Variants in KIFAP3 observed in about 807,000 individuals in gnomAD.
KIFAP3 encodes the protein kinesin associated protein 3.
KIFAP3 carries 68 observed loss-of-function variants against 106.5 expected under a neutral mutation model. The ratio of observed to expected loss-of-function variants is 0.64; its 90% CI spans 0.53 to 0.78. The LOEUF (loss-of-function observed/expected upper bound fraction) is 0.78, where lower values mean the gene tolerates loss of function less well. KIFAP3 is among the 30% of genes least tolerant of loss of function. The pLI, the probability that KIFAP3 is intolerant of heterozygous loss-of-function variation, is 0.00. For synonymous variants in KIFAP3, 320 were observed against 311.5 expected (o/e 1.03, Z -0.29); for missense variants, 780 against 941.8 (o/e 0.83, Z 2.25).
chr1:170,007,889 C>A (rs1161596580), intron 10 of KIFAP3, among the ~76,000 whole-genome samples: 1 of 152,116 alleles, frequency 6.6e-6, no homozygotes, highest in African/African-American at 2.4e-5. Context: ...CTACAGTAAC[C>A]AAAACAGCAT....
At chr1:170,029,712 C>G (rs1669297165) in intron 8 of KIFAP3, among the ~76,000 whole-genome samples, 1 of 151,838 alleles carries the variant, frequency 6.6e-6, no homozygotes, top group South Asian at 2.1e-4. Context: ...GGGCTAAAAG[C>G]ACCCAATATC....
chr1:169,987,790 T>C (rs923769180), intron 11 of KIFAP3, among the ~76,000 whole-genome samples: 4 of 152,130 alleles, frequency 2.6e-5, no homozygotes, highest in African/African-American at 9.7e-5. Context: ...CCATGTACTT[T>C]CATTGGCCAT....
At chr1:169,951,092 A>C (rs1029462410) in intron 19 of KIFAP3, among the ~76,000 whole-genome samples, 1 of 151,936 alleles carries the variant, frequency 6.6e-6, no homozygotes, top group African/African-American at 2.4e-5. Context: ...AAAGAAGACT[A>C]TGAATCTTTG....
At chr1:170,028,959 T>A (rs74755195) in intron 8 of KIFAP3, among the ~76,000 whole-genome samples, 9,598 of 152,032 alleles carry the variant, frequency 0.063, 384 homozygotes, top group Non-Finnish European at 0.095. Context: ...AGACACATAC[T>A]CACACAAACA....
chr1:169,977,280 C>T (rs561206858), intron 16 of KIFAP3, among the ~76,000 whole-genome samples: 2 of 151,584 alleles, frequency 1.3e-5, no homozygotes, highest in Non-Finnish European at 2.9e-5. Flanking sequence ...ACAATGAATA[C>T]AGATGGCAGG....
At chr1:169,985,673 G>A (rs933338788) in intron 11 of KIFAP3, among the ~76,000 whole-genome samples, 5 of 151,874 alleles carry the variant, frequency 3.3e-5, no homozygotes, top group African/African-American at 9.7e-5. Flanking sequence ...TGGACTAGAG[G>A]TATAATTTTA....
chr1:169,925,750 G>A (rs1663098580), intron 19 of KIFAP3, among the ~76,000 whole-genome samples: 1 of 152,124 alleles, frequency 6.6e-6, no homozygotes, highest in South Asian at 2.1e-4. Flanking sequence ...CTGGGCCAGA[G>A]TTGACATTCC....
At chr1:169,964,869 T>G (rs1181929313) in intron 17 of KIFAP3, among the ~76,000 whole-genome samples, 1 of 152,218 alleles carries the variant, frequency 6.6e-6, no homozygotes, top group Non-Finnish European at 1.5e-5. Flanking sequence ...ACACTTTTTG[T>G]TGCCATATGT....
chr1:170,009,296 T>C (rs970769079), intron 10 of KIFAP3, among the ~76,000 whole-genome samples: 2 of 152,082 alleles, frequency 1.3e-5, no homozygotes, highest in African/African-American at 2.4e-5. Flanking sequence ...ACATAAAAAT[T>C]TGGAACATTA....
At chr1:170,016,412 C>G (rs745919206) in intron 10 of KIFAP3, 50 bp downstream of exon 10, 1 of 1,476,252 alleles carries the variant, frequency 6.8e-7, no homozygotes. Flanking sequence ...AATTTTCCAG[C>G]GATGTTGGAA....
chr1:170,042,834 TCGAGGC>T (rs1471219766), intron 3 of KIFAP3, among the ~76,000 whole-genome samples: 1 of 152,210 alleles, frequency 6.6e-6, no homozygotes. Flanking sequence ...GTGGGTAGCT[TCGAGGC>T]TAGTGACCTG....
intron 2 of KIFAP3, among the ~76,000 whole-genome samples, chr1:170,053,085 T>C (rs528019477): frequency 6.6e-6 from 1 of 152,320 alleles, no homozygotes; most frequent in South Asian, 2.1e-4. Context: ...ATTGTATATT[T>C]AGAAAACCCC....
At chr1:170,039,385 G>A in intron 3 of KIFAP3, 97 bp from the exon 4 acceptor site, 1 of 612,774 alleles carries the variant, frequency 1.6e-6, no homozygotes, top group Non-Finnish European at 2.9e-6. Flanking sequence ...AGGTAAACTG[G>A]GGATATTAAA....
chr1:169,983,202 G>T, intron 13 of KIFAP3, 68 bp downstream of exon 13: 1 of 872,412 alleles, frequency 1.1e-6, no homozygotes, highest in Non-Finnish European at 1.8e-6. Flanking sequence ...CTCAGTAAGA[G>T]CTGTATTTCC....
intron 19 of KIFAP3, among the ~76,000 whole-genome samples, chr1:169,926,904 G>A (rs1663171044): frequency 6.6e-6 from 1 of 152,092 alleles, no homozygotes; most frequent in Admixed American, 6.5e-5. Flanking sequence ...GAATTGTCAA[G>A]TGAAAGAATT....
chr1:169,959,509 A>G (rs945082625), intron 18 of KIFAP3, among the ~76,000 whole-genome samples: 3 of 152,210 alleles, frequency 2.0e-5, no homozygotes, highest in Non-Finnish European at 4.4e-5. Flanking sequence ...TCACAAAAGC[A>G]TAACCTATAC....
At chr1:169,929,571 C>T (rs1262667529) in intron 19 of KIFAP3, among the ~76,000 whole-genome samples, 1 of 151,986 alleles carries the variant, frequency 6.6e-6, no homozygotes, top group Non-Finnish European at 1.5e-5. Context: ...AAAATAAAAT[C>T]CAAGAGCATG....
chr1:169,926,457 G>C (rs1002604912), intron 19 of KIFAP3, among the ~76,000 whole-genome samples: 4 of 152,082 alleles, frequency 2.6e-5, no homozygotes, highest in Admixed American at 1.3e-4. Context: ...CAGAATAAAA[G>C]ATCCTATATC....
At chr1:169,976,274 T>C (rs934773159) in intron 16 of KIFAP3, among the ~76,000 whole-genome samples, 2 of 152,172 alleles carry the variant, frequency 1.3e-5, no homozygotes, top group African/African-American at 2.4e-5. Flanking sequence ...GTGGCTTCTA[T>C]AGTTATGTAA....
Sources: allele counts gnomAD v4.1 joint callset (sites outside exome capture counted in the v4.1 genomes callset), GRCh38; gene constraint gnomAD v4.1.1; transcripts MANE v1.5; gene names NCBI Gene and HGNC (gene_info 2026-07-23, HGNC 2026-07-21).